Variants in CTNNA3 observed in about 807,000 individuals in gnomAD.
The protein encoded by CTNNA3 is catenin alpha 3.
In CTNNA3, 76 loss-of-function variants were observed where a neutral mutation model predicts 95.7. The observed-to-expected ratio is 0.79, with a 90% confidence interval of 0.66 to 0.96. The LOEUF (loss-of-function observed/expected upper bound fraction) is 0.96, where lower values mean the gene tolerates loss of function less well. CTNNA3 is among the 40% of genes least tolerant of loss of function. The pLI is 0.00. For missense variants in CTNNA3, 1,191 were observed against 1,089.8 expected (o/e 1.09, Z -1.31); for synonymous variants, 431 against 374.4 (o/e 1.15, Z -1.74).
chr10:66,700,463 G>A (rs113838187), intron 9 of CTNNA3, among the ~76,000 whole-genome samples: 4 of 151,978 alleles, frequency 2.6e-5, no homozygotes, highest in African/African-American at 9.7e-5. Flanking sequence ...TTTATTTCTG[G>A]GCTTTTTATT....
At chr10:66,873,422 G>C (rs1482693681) in intron 7 of CTNNA3, among the ~76,000 whole-genome samples, 1 of 151,798 alleles carries the variant, frequency 6.6e-6, no homozygotes, top group Non-Finnish European at 1.5e-5. Context: ...ACTGGTGTGA[G>C]ATGGTGTCTC....
At chr10:66,409,197 G>A (rs1564935159) in intron 11 of CTNNA3, among the ~76,000 whole-genome samples, 2 of 152,084 alleles carry the variant, frequency 1.3e-5, no homozygotes, top group South Asian at 4.1e-4. Context: ...CTAGAAATAT[G>A]GTTAATGAGG....
intron 7 of CTNNA3, among the ~76,000 whole-genome samples, chr10:66,830,181 G>A (rs1386969060): frequency 6.6e-6 from 1 of 152,120 alleles, no homozygotes; most frequent in Non-Finnish European, 1.5e-5. Flanking sequence ...ATGTCTATAA[G>A]CAGGTATGCA....
At chr10:66,214,795 A>C (rs1428711838) in intron 13 of CTNNA3, among the ~76,000 whole-genome samples, 1 of 152,094 alleles carries the variant, frequency 6.6e-6, no homozygotes, top group South Asian at 2.1e-4. Flanking sequence ...TTCTAAGTAA[A>C]AAAGAAGTGA....
At chr10:66,775,601 C>T in intron 7 of CTNNA3, 77 bp from the exon 8 acceptor site, 2 of 967,310 alleles carry the variant, frequency 2.1e-6, no homozygotes, top group African/African-American at 1.7e-5. Context: ...TCTAAATTTC[C>T]TGAAAATAAC....
At chr10:67,351,449 G>T (rs746780754) in intron 5 of CTNNA3, among the ~76,000 whole-genome samples, 2 of 151,810 alleles carry the variant, frequency 1.3e-5, no homozygotes, top group Non-Finnish European at 2.9e-5. Context: ...TATAAACCAC[G>T]AAACATTTCA....
At chr10:66,511,010 C>G (rs1840636346) in intron 11 of CTNNA3, among the ~76,000 whole-genome samples, 1 of 151,812 alleles carries the variant, frequency 6.6e-6, no homozygotes, top group Non-Finnish European at 1.5e-5. Context: ...GTGAATCCAT[C>G]TGGTCTTGGA....
chr10:67,633,898 A>G (rs1165315467), intron 2 of CTNNA3, among the ~76,000 whole-genome samples: 1 of 152,214 alleles, frequency 6.6e-6, no homozygotes, highest in African/African-American at 2.4e-5. Flanking sequence ...CAAGTTGGAA[A>G]ACACAGTTCA....
chr10:66,975,354 C>T (rs764935529), intron 7 of CTNNA3, among the ~76,000 whole-genome samples: 4 of 152,086 alleles, frequency 2.6e-5, no homozygotes, highest in Non-Finnish European at 4.4e-5. Context: ...AAAGCAGATG[C>T]CTAAGCATTG....
chr10:66,219,384 T>G (rs1300159680), intron 13 of CTNNA3, among the ~76,000 whole-genome samples: 2 of 152,196 alleles, frequency 1.3e-5, no homozygotes, highest in African/African-American at 2.4e-5. Context: ...TGGTCCCTCC[T>G]ATATTGTATT....
At chr10:67,443,480 T>C (rs1846611999) in intron 5 of CTNNA3, among the ~76,000 whole-genome samples, 1 of 151,922 alleles carries the variant, frequency 6.6e-6, no homozygotes, top group African/African-American at 2.4e-5. Context: ...TTTTTAATGA[T>C]TGCCGTTCTA....
intron 3 of CTNNA3, among the ~76,000 whole-genome samples, chr10:67,589,700 A>G (rs988930782): frequency 2.6e-5 from 4 of 152,164 alleles, no homozygotes; most frequent in Admixed American, 6.5e-5. Flanking sequence ...ATTAAAATCT[A>G]TAATTCCATG....
rs1480535843 is a variant in CTNNA3 at position 67,015,436 on chromosome 10, C to T, written c.1047+164881G>A. 2.0e-5 allele frequency: 3 copies of T among 152,096 alleles called. No individual in the cohort carries two copies. In the East Asian group the frequency reaches 5.8e-4, roughly 29 times the overall value. 9.4% of individuals were successfully genotyped at this position (152,096 alleles called of 1,614,324 possible). A position where few individuals can be genotyped will look rare whatever the true frequency, so the allele number is the denominator to read the frequency against. On this transcript the variant is annotated intron_variant, in intron 7 of 17. Transcript: ENST00000433211. Reference sequence around the variant, plus strand: ...GTCTTTCTCTTGATACTATATTTGACTGAAAATAAAACTTGAGTCATACTT... The same window carrying T: ...GTCTTTCTCTTGATACTATATTTGATTGAAAATAAAACTTGAGTCATACTT...
At chr10:67,386,159 T>G (rs999728566) in intron 5 of CTNNA3, among the ~76,000 whole-genome samples, 3 of 152,236 alleles carry the variant, frequency 2.0e-5, no homozygotes, top group Admixed American at 2.0e-4. Flanking sequence ...GGGTTAGACC[T>G]GATTCTGAAT....
At chr10:66,461,833 G>A (rs1208160005) in intron 11 of CTNNA3, among the ~76,000 whole-genome samples, 1 of 139,898 alleles carries the variant, frequency 7.1e-6, no homozygotes, top group Non-Finnish European at 1.5e-5. Context: ...TTTTTTTTGA[G>A]ATGGAGTCTC....
chr10:67,083,053 G>A lies in CTNNA3; in HGVS notation c.1047+97264C>T, dbSNP rs557894183. Among the ~76,000 whole-genome samples, 11 of 152,200 alleles carry A rather than the reference G, an allele frequency of 7.2e-5. No individual in the cohort carries two copies. The East Asian group carries it at 2.1e-3, about 29-fold the overall frequency. On this transcript the variant is annotated intron_variant, in intron 7 of 17. Coordinates refer to ENST00000433211, the MANE Select transcript of CTNNA3 (RefSeq NM_013266.4). ...ACAAAAAAGCAGGTGTTCACCTAAG[G>A]GTCAGGAGAGGCAAGTGTGATCAGG...
At chr10:67,736,187 G>T (rs1255088583) in intron 1 of CTNNA3, among the ~76,000 whole-genome samples, 1 of 152,106 alleles carries the variant, frequency 6.6e-6, no homozygotes, top group Non-Finnish European at 1.5e-5. Flanking sequence ...AAATAAGCCT[G>T]ACACAAAAGG....
In CTNNA3 at chr10:67,529,969, T is replaced by G. The variant is rs578015272; in HGVS notation, c.460-8008A>C. Among the ~76,000 whole-genome samples, 4 of 151,954 alleles carry G rather than the reference T, an allele frequency of 2.6e-5. No homozygotes were observed. The South Asian group carries it at 8.3e-4, about 32-fold the overall frequency. ...AATGAGTGTCACGAGATCTGACGGT[T>G]TTAAAGATGGGAGTTTCCCTACACA... On this transcript the variant is annotated intron_variant, in intron 4 of 17. Transcript: ENST00000433211.
intron 13 of CTNNA3, among the ~76,000 whole-genome samples, chr10:66,228,028 G>A (rs1213772710): frequency 6.6e-6 from 1 of 151,980 alleles, no homozygotes; most frequent in Admixed American, 6.6e-5. Flanking sequence ...CCTGCATTAT[G>A]ATTTTTGATT....
Sources: gnomAD v4.1 joint callset for allele counts (sites outside exome capture counted in the v4.1 genomes callset) on GRCh38, gnomAD v4.1.1 for gene constraint, MANE v1.5 for transcripts, NCBI Gene and HGNC (gene_info 2026-07-23, HGNC 2026-07-21) for gene names.